Variants in ADAMTSL1 observed in about 807,000 individuals in gnomAD.
The protein encoded by ADAMTSL1 is ADAMTS like 1, also known as ADAMTS-like protein 1.
In ADAMTSL1, 126 loss-of-function variants were observed where a neutral mutation model predicts 201.8. The ratio of observed to expected loss-of-function variants is 0.62; its 90% confidence interval spans 0.54 to 0.72. The LOEUF (loss-of-function observed/expected upper bound fraction) is 0.72, where lower values mean the gene tolerates loss of function less well. ADAMTSL1 is among the 30% of genes least tolerant of loss of function. The pLI, the probability that ADAMTSL1 is intolerant of heterozygous loss-of-function variation, is 0.00. For synonymous variants in ADAMTSL1, 1,121 were observed against 903.4 expected, an observed-to-expected ratio of 1.24 and a Z score of -4.32; for missense variants, 2,679 against 2,277.8, an observed-to-expected ratio of 1.18 and a Z score of -3.59.
At chr9:18,616,864 A>T (rs1302612625) in intron 4 of ADAMTSL1, among the ~76,000 whole-genome samples, 1 of 152,222 alleles carries the variant, frequency 6.6e-6, no homozygotes, top group African/African-American at 2.4e-5. Context: ...AAGCAAATTA[A>T]TGAATATCTA....
intron 2 of ADAMTSL1, among the ~76,000 whole-genome samples, chr9:18,457,116 A>ATTTTT: frequency 6.6e-6 from 1 of 152,322 alleles, no homozygotes; most frequent in South Asian, 2.1e-4. Context: ...ACACACAGTG[A>ATTTTT]AAAACTACTT....
intron 2 of ADAMTSL1, among the ~76,000 whole-genome samples, chr9:18,277,783 G>C (rs1432242947): frequency 6.6e-6 from 1 of 152,084 alleles, no homozygotes; most frequent in East Asian, 1.9e-4. Context: ...AATAATTGCT[G>C]ATAGGTAAAG....
intron 2 of ADAMTSL1, among the ~76,000 whole-genome samples, chr9:18,395,366 A>T (rs1019135828): frequency 7.9e-5 from 12 of 152,190 alleles, no homozygotes; most frequent in African/African-American, 2.4e-4. Context: ...TGCTGGCAAG[A>T]TGTCGATCTA....
At chr9:18,753,225 A>G in intron 15 of ADAMTSL1, 73 bp from the exon 16 acceptor site, 2 of 1,459,882 alleles carry the variant, frequency 1.4e-6, no homozygotes, top group East Asian at 4.9e-5. Context: ...TTTTAACTCC[A>G]TTTGAGTTCA....
intron 1 of ADAMTSL1, among the ~76,000 whole-genome samples, chr9:18,092,442 TAC>T (rs1455060264): frequency 6.6e-6 from 1 of 152,228 alleles, no homozygotes; most frequent in African/African-American, 2.4e-5. Context: ...TACACACACA[TAC>T]ATGTATTTGT....
intron 1 of ADAMTSL1, among the ~76,000 whole-genome samples, chr9:18,100,686 G>T (rs1331076876): frequency 6.6e-6 from 1 of 151,932 alleles, no homozygotes; most frequent in Non-Finnish European, 1.5e-5. Context: ...TTTCAGTGTG[G>T]ATCCCTGACC....
intron 2 of ADAMTSL1, among the ~76,000 whole-genome samples, chr9:18,437,100 G>A (rs954683550): frequency 3.3e-5 from 5 of 151,858 alleles, no homozygotes; most frequent in African/African-American, 9.7e-5. Flanking sequence ...GGCAATTCTC[G>A]GTGGCTAAGA....
At chr9:18,334,139 C>T (rs1432359155) in intron 2 of ADAMTSL1, among the ~76,000 whole-genome samples, 2 of 152,016 alleles carry the variant, frequency 1.3e-5, no homozygotes, top group African/African-American at 2.4e-5. Flanking sequence ...ACTTACTTCT[C>T]AGAGTGTTAG....
At chr9:18,227,489 C>T (rs1436714541) in intron 2 of ADAMTSL1, among the ~76,000 whole-genome samples, 2 of 152,204 alleles carry the variant, frequency 1.3e-5, no homozygotes, top group Non-Finnish European at 2.9e-5. Context: ...TTCATTTACA[C>T]TCAAACAGTT....
At chr9:18,226,204 A>T (rs548477267) in intron 2 of ADAMTSL1, among the ~76,000 whole-genome samples, 1 of 152,148 alleles carries the variant, frequency 6.6e-6, no homozygotes, top group South Asian at 2.1e-4. Flanking sequence ...CAAAAAATAC[A>T]TACATTTATT....
At chr9:18,073,399 G>C (rs951234194) in intron 1 of ADAMTSL1, among the ~76,000 whole-genome samples, 1 of 152,124 alleles carries the variant, frequency 6.6e-6, no homozygotes, top group Admixed American at 6.5e-5. Context: ...AATCCATCTA[G>C]GTGATATTTA....
At chr9:18,886,166 GTATATATATATATATATATATA>G (rs751978972) in intron 23 of ADAMTSL1, among the ~76,000 whole-genome samples, 30 of 37,144 alleles carry the variant, frequency 8.1e-4, no homozygotes, top group East Asian at 4.8e-3. Flanking sequence ...GTGTGTATGT[GTATATATATATATATATATATA>G]TATATATATA....
chr9:18,383,855 C>G (rs10511651), intron 2 of ADAMTSL1, among the ~76,000 whole-genome samples: 12,830 of 152,224 alleles, frequency 0.084, 735 homozygotes, highest in Middle Eastern at 0.15. Context: ...AAATTGACAA[C>G]AGTGCTCCTG....
intron 26 of ADAMTSL1, among the ~76,000 whole-genome samples, chr9:18,897,848 G>C (rs1042191749): frequency 1.3e-5 from 2 of 152,130 alleles, no homozygotes; most frequent in Non-Finnish European, 2.9e-5. Context: ...GTGGGCTGAG[G>C]CTGAGATGGT....
At chr9:18,509,146 T>C (rs1317337236) in intron 2 of ADAMTSL1, among the ~76,000 whole-genome samples, 2 of 73,902 alleles carry the variant, frequency 2.7e-5, no homozygotes, top group East Asian at 5.6e-4. Context: ...ATTGCGCCAC[T>C]GCAGTCCGCA....
At chr9:18,449,051 A>C (rs1164238326) in intron 2 of ADAMTSL1, among the ~76,000 whole-genome samples, 1 of 151,726 alleles carries the variant, frequency 6.6e-6, no homozygotes, top group Non-Finnish European at 1.5e-5. Context: ...TTCTTGCCAG[A>C]GTGAGACACA....
rs556389310 is a variant in ADAMTSL1 at position 18,193,737 on chromosome 9, C to T, written c.207+29756C>T. On this transcript the variant is annotated intron_variant, in intron 2 of 29. Transcript: ENST00000680146. ...CCATAGCCACATAATTTTCCTTTCA[C>T]TGGGTCCCTGTATGGACTTTGAGAA... 3.9e-5 allele frequency among the ~76,000 whole-genome samples: 6 copies of T among 152,276 alleles called. No individual in the cohort carries two copies. The East Asian group carries it at 1.2e-3, about 29-fold the overall frequency.
chr9:18,436,821 A>G (rs529933570), intron 2 of ADAMTSL1, among the ~76,000 whole-genome samples: 3 of 152,280 alleles, frequency 2.0e-5, no homozygotes, highest in African/African-American at 7.2e-5. Context: ...CATTACCTGG[A>G]AGCAGACTCT....
chr9:18,507,273 A>G (rs1037916928), intron 2 of ADAMTSL1, among the ~76,000 whole-genome samples: 1 of 152,194 alleles, frequency 6.6e-6, no homozygotes, highest in African/African-American at 2.4e-5. Context: ...CCACATTAGC[A>G]TATTACCTCT....
Sources: gnomAD v4.1 joint callset for allele counts (sites outside exome capture counted in the v4.1 genomes callset) on GRCh38, gnomAD v4.1.1 for gene constraint, MANE v1.5 for transcripts, NCBI Gene and HGNC (gene_info 2026-07-23, HGNC 2026-07-21) for gene names.